THG1L: variants seen among roughly 807,000 people sequenced by gnomAD.
The protein encoded by THG1L is probable tRNA(His) guanylyltransferase.
THG1L carries 27 observed loss-of-function variants against 35.2 expected under a neutral mutation model. The observed-to-expected ratio is 0.77, with a 90% CI of 0.57 to 1.06. The LOEUF (loss-of-function observed/expected upper bound fraction) is 1.06. THG1L is among the 50% of genes least tolerant of loss of function. The probability of loss-of-function intolerance (pLI) is 0.00; values close to 1 mark genes in which losing one functional copy is unlikely to be tolerated. For missense variants in THG1L, 377 were observed against 371.8 expected (o/e 1.01, Z -0.12); for synonymous variants, 135 against 132.4 (o/e 1.02, Z -0.14).
chr5:157,739,056 G>A (rs1422331726), intron 5 of THG1L, among the ~76,000 whole-genome samples: 1 of 151,986 alleles, frequency 6.6e-6, no homozygotes, highest in Admixed American at 6.6e-5. Flanking sequence ...TTACAGGCGT[G>A]AGCCACCGCG....
intron 2 of THG1L, 109 bp downstream of exon 2, chr5:157,733,153 G>A (rs1416623236): frequency 1.1e-5 from 14 of 1,253,648 alleles, no homozygotes; most frequent in Non-Finnish European, 1.6e-5. Context: ...TGCAGTATTT[G>A]TAACTGCAGA....
At position 157,735,741 on chromosome 5, in the gene THG1L, T is replaced by C. The variant is rs983664331; in HGVS notation, c.539-105T>C. Reference sequence around the variant, plus strand: ...AGTCACTGAATGTCTCTGAGATCTCTTTACTATGAAAGAGGAGAGGGTCAG... The same window carrying C: ...AGTCACTGAATGTCTCTGAGATCTCCTTACTATGAAAGAGGAGAGGGTCAG... On this transcript the variant is annotated intron_variant, in intron 3 of 5. Transcript: ENST00000231198. 5 of 748,372 alleles carry C rather than the reference T, an allele frequency of 6.7e-6. No homozygotes were observed. In the African/African-American group the frequency reaches 9.3e-5, roughly 14 times the overall value. The allele number at this position is 748,372 out of a possible 1,614,324, so 46.4% of individuals were successfully genotyped here.
rs1052922314 is a variant in THG1L, at chr5:157,739,699, G to T, written c.*217G>T. 10 of 415,808 alleles carry T rather than the reference G, an allele frequency of 2.4e-5. No individual in the cohort carries two copies. The highest frequency in any genetic ancestry group is 4.1e-5 in the Non-Finnish European group (10 of 243,098). The allele number at this position is 415,808 out of a possible 1,614,324, so 25.8% of individuals were successfully genotyped here. A position where few individuals can be genotyped will look rare whatever the true frequency, so the allele number is the denominator to read the frequency against. The stretch of plus-strand genomic sequence containing the variant: ...ACCTTGTTTGCGGTGTTGGAACATG[G>T]TTCCTTTGGCAGAAGTGCTTTTTTT... On this transcript the variant is annotated 3_prime_UTR_variant, in exon 6 of 6. Coordinates refer to ENST00000231198, the MANE Select transcript of THG1L (RefSeq NM_017872.5).
chr5:157,735,124 A>G (rs1760837209), intron 3 of THG1L, among the ~76,000 whole-genome samples: 1 of 151,936 alleles, frequency 6.6e-6, no homozygotes, highest in South Asian at 2.1e-4. Context: ...TTTTAGTAGA[A>G]ATGGGGTTTC....
intron 5 of THG1L, 139 bp from the exon 6 acceptor site, chr5:157,739,182 C>A (rs1047366465): frequency 3.1e-6 from 2 of 645,838 alleles, no homozygotes; most frequent in African/African-American, 3.7e-5. Context: ...TATATATACA[C>A]ATATTTATAT....
chr5:157,733,089 G>T, intron 2 of THG1L, 45 bp downstream of exon 2: 1 of 1,599,588 alleles, frequency 6.3e-7, no homozygotes, highest in Non-Finnish European at 8.5e-7. Context: ...TTTCCTCCCA[G>T]CATCTGGTTT....
rs1760988643 is a variant in THG1L at position 157,739,861 on chromosome 5, G to GCCCA, written c.*382_*385dup. ...TGAGAGAAGAGGAGCCCAAACTCTCGCCCACCTGTTCTTAACCAGAAAACC... is the reference window on the plus strand; with the variant it reads ...TGAGAGAAGAGGAGCCCAAACTCTCGCCCACCCACCTGTTCTTAACCAGAAAACC... On this transcript the variant is annotated 3_prime_UTR_variant, in exon 6 of 6. Transcript: ENST00000231198. The GCCCA allele has an allele frequency of 6.4e-6, 1 of 156,738 alleles. No homozygotes were observed. Among genetic ancestry groups the GCCCA allele is most frequent in the African/African-American group, 2.4e-5 (1 of 41,580 alleles). 9.7% of individuals were successfully genotyped at this position (156,738 alleles called of 1,614,324 possible). A position where few individuals can be genotyped will look rare whatever the true frequency, so the allele number is the denominator to read the frequency against.
intron 2 of THG1L, among the ~76,000 whole-genome samples, chr5:157,734,253 T>C (rs1760807254): frequency 6.6e-6 from 1 of 152,116 alleles, no homozygotes; most frequent in Non-Finnish European, 1.5e-5. Context: ...CTGGGCGTAG[T>C]GGCCTGCACC....
chr5:157,734,877 A>T, intron 3 of THG1L, 132 bp downstream of exon 3: 3 of 928,524 alleles, frequency 3.2e-6, no homozygotes, highest in Non-Finnish European at 4.5e-6. Context: ...GTATTTAAAT[A>T]TTTTTTCAAT....
chr5:157,737,995 G>A lies in THG1L; in HGVS notation c.735+1G>A, dbSNP rs764167329. 2 of 1,606,170 alleles carry A rather than the reference G, an allele frequency of 1.2e-6. No individual in the cohort carries two copies. Among genetic ancestry groups the A allele is most frequent in the Non-Finnish European group, 1.7e-6 (2 of 1,174,330 alleles). Reference sequence around the variant, plus strand: ...AGGGACTGTGTTGATATGGCAGAAGGTAATGCTGTTATGTTCAAAGAAAAA... The same window carrying A: ...AGGGACTGTGTTGATATGGCAGAAGATAATGCTGTTATGTTCAAAGAAAAA... On this transcript the variant is annotated splice_donor_variant, in intron 5 of 5. Transcript: ENST00000231198. LOFTEE classifies it high-confidence loss of function.
chr5:157,731,447 G>A lies in THG1L; in HGVS notation c.7G>A (p.Gly3Ser), dbSNP rs1760711106. MW[G>S]ACKVKVHDSL... ...TTTCCTTTCCGCGTGTAGAATGTGG[G>A]GCGCCTGTAAAGTTAAGGTTCACGA... is the stretch of plus-strand genomic sequence containing the variant. The change falls in exon 1 of 6, where the codon GGC becomes AGC. Residue 3 changes from glycine to serine, a missense_variant. By Grantham distance (56) the Gly-to-Ser change is moderately conservative. Transcript: ENST00000231198. The A allele has an allele frequency of 6.3e-7, 1 of 1,592,484 alleles. No homozygotes were observed.
intron 2 of THG1L, among the ~76,000 whole-genome samples, 167 bp downstream of exon 2, chr5:157,733,211 C>T (rs1451360705): frequency 1.3e-5 from 2 of 152,102 alleles, no homozygotes; most frequent in African/African-American, 2.4e-5. Context: ...ATCTGATAGC[C>T]GAGCATTCTG....
intron 1 of THG1L, 43 bp downstream of exon 1, chr5:157,731,674 C>G: frequency 6.4e-7 from 1 of 1,562,812 alleles, no homozygotes; most frequent in Non-Finnish European, 8.7e-7. Flanking sequence ...GCCAGCGCTT[C>G]CGGGGAATCC....
At position 157,734,684 on chromosome 5, in the gene THG1L, A is replaced by G. The variant is rs1410040154; in HGVS notation, c.477A>G (p.Arg159=). ...PLLYPPGFDG[R]VVVYPSNQTL... is the part of the protein sequence containing the mutation. Reference sequence around the variant, plus strand: ...TGTATCCCCCAGGCTTTGACGGAAGAGTCGTGGTGTATCCCAGCAACCAGA... The same window carrying G: ...TGTATCCCCCAGGCTTTGACGGAAGGGTCGTGGTGTATCCCAGCAACCAGA... The change falls in exon 3 of 6, where the codon AGA becomes AGG. Residue 159 remains arginine (R), a synonymous_variant. Transcript: ENST00000231198. 1 of 1,614,140 alleles carries G rather than the reference A, an allele frequency of 6.2e-7. No individual in the cohort carries two copies. The highest frequency in any genetic ancestry group is 2.2e-5 in the East Asian group (1 of 44,866).
intron 1 of THG1L, among the ~76,000 whole-genome samples, chr5:157,732,243 A>AAAAG (rs1760747334): frequency 2.2e-5 from 2 of 90,540 alleles, no homozygotes; most frequent in South Asian, 8.1e-4. Flanking sequence ...AAAAAAAAAA[A>AAAAG]AGAGAGAGAG....
In THG1L at chr5:157,740,595, T is replaced by A. The variant is rs1761008818; in HGVS notation, c.*1113T>A. The A allele has an allele frequency of 6.6e-6, 1 of 152,120 alleles. No individual in the cohort carries two copies. Among genetic ancestry groups the A allele is most frequent in the South Asian group, 2.1e-4 (1 of 4,824 alleles). 9.4% of individuals were successfully genotyped at this position (152,120 alleles called of 1,614,324 possible). A position where few individuals can be genotyped will look rare whatever the true frequency, so the allele number is the denominator to read the frequency against. ...GTTTTATATTTCGGAGGGAAAGGAT[T>A]ATTTGGCCCCATTAAGAATTAAGAG... On this transcript the variant is annotated 3_prime_UTR_variant, in exon 6 of 6. Transcript: ENST00000231198.
rs1303264067 is a variant in THG1L at position 157,740,247 on chromosome 5, A to G, written c.*765A>G. The G allele has an allele frequency of 6.6e-6, 1 of 152,222 alleles. No individual in the cohort carries two copies. Among genetic ancestry groups the G allele is most frequent in the Non-Finnish European group, 1.5e-5 (1 of 68,044 alleles). The allele number at this position is 152,222 out of a possible 1,614,324, so 9.4% of individuals were successfully genotyped here. On this transcript the variant is annotated 3_prime_UTR_variant, in exon 6 of 6. Coordinates refer to ENST00000231198, the MANE Select transcript of THG1L (RefSeq NM_017872.5). The stretch of plus-strand genomic sequence containing the variant: ...CGTGAATGAGGATGAAGAAACATTT[A>G]CCCCATGTACTCAAGACATTTCAGT...
At chr5:157,733,372 G>A (rs768118626) in intron 2 of THG1L, among the ~76,000 whole-genome samples, 4 of 152,190 alleles carry the variant, frequency 2.6e-5, no homozygotes, top group Non-Finnish European at 5.9e-5. Context: ...TAGTCTCTAC[G>A]TGCATTGCAT....
chr5:157,735,665 T>C (rs139531252), intron 3 of THG1L, among the ~76,000 whole-genome samples, 181 bp from the exon 4 acceptor site: 3 of 152,298 alleles, frequency 2.0e-5, no homozygotes, highest in African/African-American at 7.2e-5. Flanking sequence ...GGGATGAAGT[T>C]TTTTCCCTAC....
Sources: allele counts gnomAD v4.1 joint callset (sites outside exome capture counted in the v4.1 genomes callset), GRCh38; gene constraint gnomAD v4.1.1; transcripts MANE v1.5; gene names NCBI Gene and HGNC (gene_info 2026-07-23, HGNC 2026-07-21).